The following CLSTN2 variants were observed in gnomAD, a reference collection of about 807,000 sequenced individuals.
CLSTN2 encodes calsyntenin 2.
CLSTN2 carries 48 observed loss-of-function variants against 101.2 expected under a neutral mutation model. The ratio of observed to expected loss-of-function variants is 0.47; its 90% confidence interval spans 0.38 to 0.60. CLSTN2 has a LOEUF of 0.60. Among genes scored for constraint, CLSTN2 ranks in the 20% least tolerant of loss-of-function variants. The pLI, the probability that CLSTN2 is intolerant of heterozygous loss-of-function variation, is 0.00. For missense variants in CLSTN2, 1,160 were observed against 1,238.2 expected (o/e 0.94, Z 0.95); for synonymous variants, 481 against 463.6 (o/e 1.04, Z -0.48).
At chr3:139,985,630 C>G (rs922604611) in intron 1 of CLSTN2, among the ~76,000 whole-genome samples, 1 of 152,130 alleles carries the variant, frequency 6.6e-6, no homozygotes, top group Non-Finnish European at 1.5e-5. Flanking sequence ...CATCAGTTCT[C>G]AAAGAGAACT....
intron 2 of CLSTN2, among the ~76,000 whole-genome samples, chr3:140,291,042 A>G (rs2086941602): frequency 6.6e-6 from 1 of 152,144 alleles, no homozygotes; most frequent in Non-Finnish European, 1.5e-5. Flanking sequence ...ATTACATCCA[A>G]AAATCCCTAC....
intron 1 of CLSTN2, among the ~76,000 whole-genome samples, chr3:140,117,756 G>C (rs1161807700): frequency 6.6e-6 from 1 of 152,216 alleles, no homozygotes; most frequent in African/African-American, 2.4e-5. Context: ...GGCAGATGCA[G>C]TTATGCCCAT....
intron 2 of CLSTN2, among the ~76,000 whole-genome samples, chr3:140,247,945 G>T (rs574892333): frequency 3.9e-5 from 6 of 152,158 alleles, no homozygotes; most frequent in African/African-American, 1.4e-4. Flanking sequence ...TTGGTTTGTG[G>T]TTGGGCCAGT....
At chr3:140,532,571 G>C in intron 9 of CLSTN2, 85 bp downstream of exon 9, 1 of 1,247,116 alleles carries the variant, frequency 8.0e-7, no homozygotes, top group Non-Finnish European at 1.1e-6. Flanking sequence ...AAAGCAAGTG[G>C]TGTGAGAATA....
chr3:140,292,933 G>C (rs898200745), intron 2 of CLSTN2, among the ~76,000 whole-genome samples: 3 of 152,216 alleles, frequency 2.0e-5, no homozygotes, highest in Non-Finnish European at 4.4e-5. Context: ...TTGGTGGTTT[G>C]CCTGGAGTCA....
intron 1 of CLSTN2, among the ~76,000 whole-genome samples, chr3:140,024,306 T>C (rs2007376067): frequency 6.6e-6 from 1 of 152,176 alleles, no homozygotes; most frequent in Non-Finnish European, 1.5e-5. Context: ...GCGGCATGGG[T>C]GCCCACCTTC....
intron 1 of CLSTN2, among the ~76,000 whole-genome samples, chr3:139,997,197 T>C (rs1447939223): frequency 6.6e-6 from 1 of 152,210 alleles, no homozygotes; most frequent in Non-Finnish European, 1.5e-5. Flanking sequence ...TAGTCATTTA[T>C]TTCTCAGATC....
At chr3:140,537,631 A>C (rs540011565) in intron 9 of CLSTN2, among the ~76,000 whole-genome samples, 8 of 152,324 alleles carry the variant, frequency 5.3e-5, no homozygotes, top group African/African-American at 1.9e-4. Flanking sequence ...CCCAGTGCTG[A>C]GTCAGATCCT....
rs545452149 is a variant in CLSTN2, at chr3:140,503,573, T to C, written c.1345-28751T>C. Among the ~76,000 whole-genome samples, 104 of 151,984 alleles carry C rather than the reference T, an allele frequency of 6.8e-4. 1 individual carries two copies. The highest frequency in any genetic ancestry group is 7.1e-4 in the Non-Finnish European group (48 of 68,018). On this transcript the variant is annotated intron_variant, in intron 8 of 16. Coordinates refer to ENST00000458420, the MANE Select transcript of CLSTN2 (RefSeq NM_022131.3). ...ACGCATTTCTTAGAATGTGTCCTTG[T>C]TGCTAAGCGATGCATGACTGTAACA...
intron 1 of CLSTN2, among the ~76,000 whole-genome samples, chr3:139,986,107 G>A (rs1481586747): frequency 6.6e-6 from 1 of 152,112 alleles, no homozygotes; most frequent in Non-Finnish European, 1.5e-5. Flanking sequence ...AACCTTGGGA[G>A]GCAGATTGGG....
At chr3:140,044,965 C>T (rs550810712) in intron 1 of CLSTN2, among the ~76,000 whole-genome samples, 98 of 152,302 alleles carry the variant, frequency 6.4e-4, no homozygotes, top group African/African-American at 2.3e-3. Context: ...CATCGATGTT[C>T]ATCAGGGATA....
chr3:140,456,558 G>A (rs960650608), intron 6 of CLSTN2, among the ~76,000 whole-genome samples: 1 of 152,056 alleles, frequency 6.6e-6, no homozygotes, highest in Non-Finnish European at 1.5e-5. Flanking sequence ...AGGCTGAGGC[G>A]GGCAGATCAC....
At chr3:140,301,143 A>G (rs1048310634) in intron 2 of CLSTN2, among the ~76,000 whole-genome samples, 2 of 152,156 alleles carry the variant, frequency 1.3e-5, no homozygotes, top group African/African-American at 4.8e-5. Flanking sequence ...TGAATCCACT[A>G]ATGCTATCCA....
intron 2 of CLSTN2, among the ~76,000 whole-genome samples, chr3:140,288,133 G>GT (rs1320576793): frequency 2.0e-5 from 3 of 150,966 alleles, no homozygotes; most frequent in African/African-American, 7.3e-5. Context: ...AAACCGGCGG[G>GT]GGGGGTCAGA....
intron 2 of CLSTN2, among the ~76,000 whole-genome samples, chr3:140,342,369 C>T (rs1234556322): frequency 2.6e-5 from 4 of 152,068 alleles, no homozygotes; most frequent in African/African-American, 9.7e-5. Context: ...CACTTGAGAA[C>T]CACTTTTCTA....
intron 5 of CLSTN2, among the ~76,000 whole-genome samples, chr3:140,427,021 A>G (rs2088572099): frequency 6.6e-6 from 1 of 151,422 alleles, no homozygotes; most frequent in Admixed American, 6.6e-5. Flanking sequence ...CTGAAAACAC[A>G]AAATATTAGC....
chr3:140,352,074 G>T (rs988777702), intron 2 of CLSTN2, among the ~76,000 whole-genome samples: 2 of 152,150 alleles, frequency 1.3e-5, no homozygotes, highest in African/African-American at 4.8e-5. Flanking sequence ...TGAGAAGATT[G>T]AGCTAATCTT....
intron 2 of CLSTN2, among the ~76,000 whole-genome samples, chr3:140,212,173 T>C (rs753946091): frequency 6.6e-6 from 1 of 152,206 alleles, no homozygotes; most frequent in Non-Finnish European, 1.5e-5. Context: ...GCTGTGAGCA[T>C]TTCCTGAATG....
intron 3 of CLSTN2, 94 bp from the exon 4 acceptor site, chr3:140,404,464 G>T: frequency 9.1e-7 from 1 of 1,099,814 alleles, no homozygotes; most frequent in Non-Finnish European, 1.4e-6. Flanking sequence ...CTTTCACTTG[G>T]CCTTGGGACC....
Sources: gnomAD v4.1 joint callset for allele counts (sites outside exome capture counted in the v4.1 genomes callset) on GRCh38, gnomAD v4.1.1 for gene constraint, MANE v1.5 for transcripts, NCBI Gene and HGNC (gene_info 2026-07-23, HGNC 2026-07-21) for gene names.